Variants in MACROD2 observed in about 807,000 individuals in gnomAD.
The protein encoded by MACROD2 is mono-ADP ribosylhydrolase 2.
Under a neutral mutation model 70.4 loss-of-function variants are expected in MACROD2, and 36 were observed. That is an observed-to-expected ratio of 0.51 (90% CI 0.39 to 0.68). The LOEUF (loss-of-function observed/expected upper bound fraction) is 0.68. Among genes scored for constraint, MACROD2 ranks in the 30% least tolerant of loss-of-function variants. The probability of loss-of-function intolerance (pLI) is 0.00; values close to 1 mark genes in which losing one functional copy is unlikely to be tolerated. For missense variants in MACROD2, 496 were observed against 538.4 expected (o/e 0.92, Z 0.78); for synonymous variants, 172 against 178.8 (o/e 0.96, Z 0.30).
intron 5 of MACROD2, among the ~76,000 whole-genome samples, chr20:14,718,502 T>G (rs998238542): frequency 6.6e-6 from 1 of 151,954 alleles, no homozygotes; most frequent in Non-Finnish European, 1.5e-5. Context: ...AACACTCATA[T>G]ACAGTGTGTT....
intron 6 of MACROD2, among the ~76,000 whole-genome samples, chr20:15,366,470 TATCAAA>T (rs1472451084): frequency 6.6e-6 from 1 of 152,218 alleles, no homozygotes; most frequent in East Asian, 1.9e-4. Context: ...ATATTCTCAG[TATCAAA>T]ATTCAACTGT....
intron 6 of MACROD2, among the ~76,000 whole-genome samples, chr20:15,285,495 G>A (rs187692461): frequency 8.5e-5 from 13 of 152,176 alleles, no homozygotes; most frequent in East Asian, 7.7e-4. Context: ...ATTTATATTC[G>A]TATGACAGCA....
chr20:15,279,980 G>A (rs547547899), intron 6 of MACROD2, among the ~76,000 whole-genome samples: 29 of 152,284 alleles, frequency 1.9e-4, no homozygotes, highest in African/African-American at 5.1e-4. Context: ...GCTGCACAGT[G>A]CCTAGCAGAG....
At chr20:14,192,991 T>G (rs2148740674) in intron 3 of MACROD2, among the ~76,000 whole-genome samples, 1 of 152,340 alleles carries the variant, frequency 6.6e-6, no homozygotes, top group East Asian at 1.9e-4. Context: ...CCTGGATTCT[T>G]TGTAATTCTC....
chr20:15,365,288 G>GA (rs140534327), intron 6 of MACROD2, among the ~76,000 whole-genome samples: 4,021 of 152,138 alleles, frequency 0.026, 165 homozygotes, highest in African/African-American at 0.091. Flanking sequence ...AATAAGGAAA[G>GA]AAAAAATCTT....
intron 13 of MACROD2, among the ~76,000 whole-genome samples, chr20:15,970,293 C>T (rs1442637244): frequency 1.3e-5 from 2 of 152,104 alleles, no homozygotes; most frequent in Non-Finnish European, 2.9e-5. Flanking sequence ...ATGGTAGTTA[C>T]TGGATAAGTC....
chr20:14,279,132 A>T (rs1301597255), intron 3 of MACROD2, among the ~76,000 whole-genome samples: 1 of 152,206 alleles, frequency 6.6e-6, no homozygotes, highest in African/African-American at 2.4e-5. Flanking sequence ...TGTGTTGTAC[A>T]TGGGGTACTA....
At chr20:15,284,095 A>G (rs956116497) in intron 6 of MACROD2, among the ~76,000 whole-genome samples, 2 of 151,926 alleles carry the variant, frequency 1.3e-5, no homozygotes, top group African/African-American at 4.9e-5. Flanking sequence ...CCTTGATATA[A>G]TAAGTTATTA....
intron 3 of MACROD2, among the ~76,000 whole-genome samples, chr20:14,367,374 T>A (rs1450612762): frequency 6.6e-6 from 1 of 152,216 alleles, no homozygotes; most frequent in African/African-American, 2.4e-5. Context: ...GAGCGCTGCA[T>A]TTCTTCACGT....
intron 5 of MACROD2, among the ~76,000 whole-genome samples, chr20:15,223,558 C>T (rs1398796442): frequency 6.6e-6 from 1 of 152,164 alleles, no homozygotes; most frequent in Non-Finnish European, 1.5e-5. Flanking sequence ...TAATACTAAT[C>T]TCATGTTTCA....
At chr20:15,921,993 C>T (rs1002938618) in intron 10 of MACROD2, among the ~76,000 whole-genome samples, 5 of 152,198 alleles carry the variant, frequency 3.3e-5, no homozygotes, top group African/African-American at 4.8e-5. Flanking sequence ...CCCTCCTGTC[C>T]GTCATTGGTT....
chr20:15,988,342 C>G (rs1000650685), intron 15 of MACROD2, among the ~76,000 whole-genome samples: 5 of 152,108 alleles, frequency 3.3e-5, no homozygotes, highest in South Asian at 2.1e-4. Context: ...TGGTATTGCT[C>G]TCCTCAATTG....
chr20:15,951,468 G>A (rs754426796), intron 12 of MACROD2, among the ~76,000 whole-genome samples: 1 of 152,028 alleles, frequency 6.6e-6, no homozygotes, highest in Non-Finnish European at 1.5e-5. Context: ...TTTTAATCAA[G>A]TAAAAAGACA....
chr20:14,327,684 G>A (rs2082760273), intron 3 of MACROD2: 3 of 698,850 alleles, frequency 4.3e-6, no homozygotes, highest in Non-Finnish European at 6.7e-6. Context: ...TGTTTTGGGA[G>A]GGGGCATAAT....
At chr20:15,043,160 A>G (rs2075368039) in intron 5 of MACROD2, among the ~76,000 whole-genome samples, 1 of 152,180 alleles carries the variant, frequency 6.6e-6, no homozygotes, top group Non-Finnish European at 1.5e-5. Context: ...CTAGGACTCC[A>G]TGTTTCTATG....
chr20:15,626,649 G>C (rs1050268557), intron 8 of MACROD2, among the ~76,000 whole-genome samples: 1 of 152,218 alleles, frequency 6.6e-6, no homozygotes, highest in African/African-American at 2.4e-5. Context: ...GAGGTCAGGA[G>C]TTTGAGACCA....
At chr20:15,706,373 G>A (rs1168312244) in intron 8 of MACROD2, among the ~76,000 whole-genome samples, 2 of 152,226 alleles carry the variant, frequency 1.3e-5, no homozygotes, top group South Asian at 2.1e-4. Context: ...TACCTGGAAA[G>A]TGATGGGGTG....
intron 3 of MACROD2, among the ~76,000 whole-genome samples, chr20:14,260,888 A>G (rs2082096185): frequency 6.6e-6 from 1 of 152,216 alleles, no homozygotes; most frequent in Non-Finnish European, 1.5e-5. Flanking sequence ...TGGAAGGCCT[A>G]TTCCATACTG....
intron 5 of MACROD2, among the ~76,000 whole-genome samples, chr20:14,725,836 A>G (rs1372291327): frequency 1.3e-5 from 2 of 152,092 alleles, no homozygotes; most frequent in Non-Finnish European, 2.9e-5. Context: ...TGAACTCCTC[A>G]GCACTTTGGG....
Sources: gnomAD v4.1 joint callset for allele counts (sites outside exome capture counted in the v4.1 genomes callset) on GRCh38, gnomAD v4.1.1 for gene constraint, MANE v1.5 for transcripts, NCBI Gene and HGNC (gene_info 2026-07-23, HGNC 2026-07-21) for gene names.